The following CNTNAP2 variants were observed in gnomAD, a reference collection of about 807,000 sequenced individuals.
The protein encoded by CNTNAP2 is contactin associated protein 2.
In CNTNAP2, 98 loss-of-function variants were observed where a neutral mutation model predicts 155.2. The ratio of observed to expected loss-of-function variants is 0.63; its 90% CI spans 0.54 to 0.75. CNTNAP2 has a LOEUF of 0.75. CNTNAP2 is among the 30% of genes least tolerant of loss of function. The pLI is 0.00. For synonymous variants in CNTNAP2, 651 were observed against 631.2 expected, an observed-to-expected ratio of 1.03 and a Z score of -0.47; for missense variants, 1,727 against 1,688.1, an observed-to-expected ratio of 1.02 and a Z score of -0.40.
intron 1 of CNTNAP2, among the ~76,000 whole-genome samples, chr7:146,709,949 T>C (rs945853161): frequency 1.3e-5 from 2 of 152,072 alleles, no homozygotes; most frequent in African/African-American, 4.8e-5. Flanking sequence ...AAGGTCAACA[T>C]TGTATAGGAG....
intron 8 of CNTNAP2, among the ~76,000 whole-genome samples, chr7:147,220,801 C>A (rs1022146172): frequency 2.6e-5 from 4 of 152,028 alleles, no homozygotes; most frequent in Non-Finnish European, 5.9e-5. Context: ...TCAACCTCCA[C>A]CTCCCAAGTT....
chr7:146,410,912 A>G (rs141248143), intron 1 of CNTNAP2, among the ~76,000 whole-genome samples: 86 of 152,228 alleles, frequency 5.6e-4, no homozygotes, highest in African/African-American at 1.9e-3. Context: ...AATGTCCTTC[A>G]GGTTTATCCA....
At chr7:147,735,171 T>G (rs1258680044) in intron 13 of CNTNAP2, among the ~76,000 whole-genome samples, 1 of 152,156 alleles carries the variant, frequency 6.6e-6, no homozygotes, top group Non-Finnish European at 1.5e-5. Context: ...TGCTATAAAT[T>G]TCCCTCTACA....
intron 1 of CNTNAP2, among the ~76,000 whole-genome samples, chr7:146,681,160 T>C (rs1800494497): frequency 6.6e-6 from 1 of 151,036 alleles, no homozygotes; most frequent in African/African-American, 2.4e-5. Flanking sequence ...ACAGAAAAAA[T>C]GATTGTTTAT....
intron 3 of CNTNAP2, among the ~76,000 whole-genome samples, chr7:146,874,367 C>T (rs1795376760): frequency 6.6e-6 from 1 of 151,916 alleles, no homozygotes; most frequent in African/African-American, 2.4e-5. Context: ...GAGATGGAGT[C>T]TTGCTCTGTC....
At chr7:147,006,991 C>T (rs1259933543) in intron 3 of CNTNAP2, among the ~76,000 whole-genome samples, 1 of 152,096 alleles carries the variant, frequency 6.6e-6, no homozygotes, top group East Asian at 1.9e-4. Context: ...GAGAGTTTTA[C>T]ATGAATATTT....
chr7:147,899,011 ATAT>A (rs1185026500), intron 13 of CNTNAP2, among the ~76,000 whole-genome samples: 1 of 152,220 alleles, frequency 6.6e-6, no homozygotes, highest in African/African-American at 2.4e-5. Context: ...GTATACACAA[ATAT>A]TATATGACTC....
At chr7:147,008,428 T>C (rs1798563664) in intron 3 of CNTNAP2, among the ~76,000 whole-genome samples, 1 of 152,130 alleles carries the variant, frequency 6.6e-6, no homozygotes, top group Non-Finnish European at 1.5e-5. Flanking sequence ...TGGGAACCAG[T>C]TTGCTTCAAG....
At chr7:147,562,327 G>C (rs560564032) in intron 12 of CNTNAP2, 70 bp downstream of exon 12, 1 of 1,599,154 alleles carries the variant, frequency 6.3e-7, no homozygotes, top group African/African-American at 1.3e-5. Flanking sequence ...TTCCACCAAT[G>C]GTTTGTTTCT....
At chr7:147,366,132 A>C (rs1584902552) in intron 9 of CNTNAP2, among the ~76,000 whole-genome samples, 1 of 152,200 alleles carries the variant, frequency 6.6e-6, no homozygotes, top group Admixed American at 6.5e-5. Context: ...TCTTAAGGCT[A>C]TTCAGGCGTG....
intron 19 of CNTNAP2, among the ~76,000 whole-genome samples, chr7:148,222,666 C>T (rs1217118431): frequency 6.6e-6 from 1 of 152,196 alleles, no homozygotes; most frequent in East Asian, 1.9e-4. Flanking sequence ...GATTAAGTTT[C>T]AACCTGAGTT....
rs114007370 is a variant in CNTNAP2 at position 147,329,046 on chromosome 7, C to T, written c.1498+28756C>T. The stretch of plus-strand genomic sequence containing the variant: ...GGCACCTCTCCTCATCTGTCTCTAC[C>T]TTGAAACTGCAATGAAAAATAAGAC... On this transcript the variant is annotated intron_variant, in intron 9 of 23. Coordinates refer to ENST00000361727, the MANE Select transcript of CNTNAP2 (RefSeq NM_014141.6). Among the ~76,000 whole-genome samples, 1,072 of 152,144 alleles carry T rather than the reference C, an allele frequency of 7.0e-3. 15 individuals are homozygous for T. The highest frequency in any genetic ancestry group is 0.025 in the African/African-American group (1,022 of 41,498).
intron 8 of CNTNAP2, among the ~76,000 whole-genome samples, chr7:147,298,757 C>T (rs1794884578): frequency 6.6e-6 from 1 of 152,184 alleles, no homozygotes; most frequent in African/African-American, 2.4e-5. Flanking sequence ...GGCTACATTC[C>T]AATAACATTT....
intron 4 of CNTNAP2, among the ~76,000 whole-genome samples, chr7:147,046,085 T>G (rs1229328959): frequency 6.6e-6 from 1 of 152,042 alleles, no homozygotes; most frequent in African/African-American, 2.4e-5. Context: ...AAGTTAAAAT[T>G]TACCCAAAAG....
At chr7:147,782,565 A>G (rs1021306032) in intron 13 of CNTNAP2, among the ~76,000 whole-genome samples, 5 of 152,164 alleles carry the variant, frequency 3.3e-5, no homozygotes, top group African/African-American at 1.2e-4. Context: ...GGAAGTGGTA[A>G]AGAAGCTCTC....
intron 12 of CNTNAP2, among the ~76,000 whole-genome samples, chr7:147,575,764 G>A (rs570471173): frequency 1.3e-5 from 2 of 151,766 alleles, no homozygotes; most frequent in South Asian, 2.1e-4. Context: ...TTCCTTTTTG[G>A]TTAAGGAGTG....
intron 8 of CNTNAP2, among the ~76,000 whole-genome samples, chr7:147,235,842 CCCGAGGG>C (rs548642103): frequency 2.1e-3 from 327 of 152,264 alleles, no homozygotes; most frequent in Non-Finnish European, 3.8e-3. Flanking sequence ...CCAGTAGATG[CCCGAGGG>C]ACTACATGCA....
chr7:147,994,078 T>C (rs1424332171), intron 15 of CNTNAP2, among the ~76,000 whole-genome samples: 1 of 152,126 alleles, frequency 6.6e-6, no homozygotes, highest in Non-Finnish European at 1.5e-5. Context: ...ATGCTTAGAA[T>C]TTAGCATTAG....
At chr7:147,313,355 G>A (rs1563156336) in intron 9 of CNTNAP2, among the ~76,000 whole-genome samples, 1 of 150,326 alleles carries the variant, frequency 6.7e-6, no homozygotes, top group Non-Finnish European at 1.5e-5. Context: ...TGTCCTGAAT[G>A]GTAATGCCTA....
Sources: allele counts gnomAD v4.1 joint callset (sites outside exome capture counted in the v4.1 genomes callset), GRCh38; gene constraint gnomAD v4.1.1; transcripts MANE v1.5; gene names NCBI Gene and HGNC (gene_info 2026-07-23, HGNC 2026-07-21).